Variants in ARHGEF12 observed in about 807,000 individuals in gnomAD.
ARHGEF12 encodes Rho guanine nucleotide exchange factor 12.
ARHGEF12 carries 66 observed loss-of-function variants against 211.2 expected under a neutral mutation model. The observed-to-expected ratio is 0.31, with a 90% CI of 0.26 to 0.38. The LOEUF (loss-of-function observed/expected upper bound fraction) is 0.38, where lower values mean the gene tolerates loss of function less well. Among genes scored for constraint, ARHGEF12 ranks in the 10% least tolerant of loss-of-function variants. ARHGEF12 has a pLI of 1.00. For missense variants in ARHGEF12, 1,429 were observed against 1,869.5 expected, an observed-to-expected ratio of 0.76 and a Z score of 4.34; for synonymous variants, 592 against 638.4, an observed-to-expected ratio of 0.93 and a Z score of 1.09.
intron 31 of ARHGEF12, 71 bp from the exon 32 acceptor site, chr11:120,474,488 CT>C (rs1250158397): frequency 7.3e-6 from 7 of 954,140 alleles, no homozygotes; most frequent in Non-Finnish European, 1.1e-5. Context: ...TTAAAAGAGA[CT>C]GTATTATATA....
intron 1 of ARHGEF12, among the ~76,000 whole-genome samples, chr11:120,391,692 CA>C (rs1293698790): frequency 6.6e-6 from 1 of 152,124 alleles, no homozygotes; most frequent in African/African-American, 2.4e-5. Context: ...CTTTAAAAAA[CA>C]AAACAAAAAC....
chr11:120,445,589 G>T, intron 16 of ARHGEF12, 125 bp downstream of exon 16: 1 of 996,096 alleles, frequency 1.0e-6, no homozygotes, highest in East Asian at 2.4e-5. Flanking sequence ...CAGAAAGACA[G>T]TCTATAATAC....
intron 1 of ARHGEF12, among the ~76,000 whole-genome samples, chr11:120,347,266 C>CTCTCTGTGTGTGTG: frequency 1.5e-5 from 2 of 133,596 alleles, no homozygotes; most frequent in South Asian, 4.9e-4. Context: ...CTCTCTCTCT[C>CTCTCTGTGTGTGTG]TGTCTGTGTG....
intron 11 of ARHGEF12, among the ~76,000 whole-genome samples, chr11:120,435,092 A>G (rs1945654811): frequency 6.6e-6 from 1 of 152,148 alleles, no homozygotes; most frequent in Admixed American, 6.5e-5. Flanking sequence ...TGATCTTTTT[A>G]CAGTTTATTT....
chr11:120,391,093 A>G (rs997231411), intron 1 of ARHGEF12, among the ~76,000 whole-genome samples: 1 of 152,136 alleles, frequency 6.6e-6, no homozygotes, highest in African/African-American at 2.4e-5. Flanking sequence ...TGACTACCAA[A>G]TGTAGTTTGA....
chr11:120,480,232 G>T lies in ARHGEF12; in HGVS notation c.4039G>T (p.Asp1347Tyr), dbSNP rs1227068362. ...GGATTCAGTGGGACTGGCACCCCAG[G>T]ATAGCCAGGCAAGTAACATTTTAGT... ...PRDSVGLAPQ[D>Y]SQASNILVMD... Residue 1347 changes from aspartate to tyrosine, a missense_variant, in exon 38 of 41, where the codon GAT (aspartate) becomes TAT (tyrosine). Asp to Tyr is a radical substitution (Grantham distance 160, BLOSUM62 -3). This residue lies in a region of ARHGEF12 where 467 missense variants were observed against 468.4 expected (regional missense o/e 1.00). Coordinates refer to ENST00000397843, the MANE Select transcript of ARHGEF12 (RefSeq NM_015313.3). The T allele has an allele frequency of 6.2e-7, 1 of 1,614,184 alleles. No individual in the cohort carries two copies. Among genetic ancestry groups the T allele is most frequent in the South Asian group, 1.1e-5 (1 of 91,080 alleles).
intron 5 of ARHGEF12, 124 bp from the exon 6 acceptor site, chr11:120,421,679 G>A (rs1162058060): frequency 1.9e-5 from 15 of 793,142 alleles, no homozygotes; most frequent in Non-Finnish European, 2.8e-5. Flanking sequence ...CTCGTGATCC[G>A]CCCGCCTCGG....
chr11:120,414,396 AT>A (rs545622378), intron 4 of ARHGEF12, among the ~76,000 whole-genome samples: 2 of 150,608 alleles, frequency 1.3e-5, no homozygotes, highest in Non-Finnish European at 2.9e-5. Context: ...CAAGGCTGTG[AT>A]TTTTTTTCTA....
chr11:120,440,395 T>C (rs1275481452), intron 13 of ARHGEF12, among the ~76,000 whole-genome samples, 174 bp downstream of exon 13: 1 of 152,194 alleles, frequency 6.6e-6, no homozygotes, highest in African/African-American at 2.4e-5. Context: ...CCAACAGAAA[T>C]GACCTTGCTT....
chr11:120,431,959 C>T, intron 11 of ARHGEF12, 48 bp downstream of exon 11: 3 of 1,487,892 alleles, frequency 2.0e-6, no homozygotes, highest in East Asian at 2.3e-5. Flanking sequence ...TTCTTCTTTA[C>T]AGCCCCTTTC....
At position 120,487,709 on chromosome 11, in the gene ARHGEF12, C is replaced by G. The variant is rs1031226795; in HGVS notation, c.*2632C>G. Reference sequence around the variant, plus strand: ...CCAGAGCAAGCAGGCTGCATTTTAGCTATGGAAGTGACCTGCTGTGACACT... The same window carrying G: ...CCAGAGCAAGCAGGCTGCATTTTAGGTATGGAAGTGACCTGCTGTGACACT... On this transcript the variant is annotated 3_prime_UTR_variant, in exon 41 of 41. Coordinates refer to ENST00000397843, the MANE Select transcript of ARHGEF12 (RefSeq NM_015313.3). 9.1e-6 allele frequency: 2 copies of G among 219,606 alleles called. No individual in the cohort carries two copies. The highest frequency in any genetic ancestry group is 1.8e-5 in the Non-Finnish European group (2 of 109,592). 13.6% of individuals were successfully genotyped at this position (219,606 alleles called of 1,614,324 possible). A position where few individuals can be genotyped will look rare whatever the true frequency, so the allele number is the denominator to read the frequency against.
At chr11:120,342,031 GTTTAAGTCAAGAT>G (rs1942552688) in intron 1 of ARHGEF12, among the ~76,000 whole-genome samples, 1 of 152,262 alleles carries the variant, frequency 6.6e-6, no homozygotes, top group South Asian at 2.1e-4. Context: ...AATTCATACA[GTTTAAGTCAAGAT>G]TTTAAGTCAA....
intron 1 of ARHGEF12, chr11:120,337,959 T>C: frequency 1.1e-6 from 1 of 951,388 alleles, no homozygotes; most frequent in Non-Finnish European, 1.3e-6. Flanking sequence ...GCCGTAAGCA[T>C]AGTGTAAGCG....
At chr11:120,425,555 C>T (rs1945319789) in intron 7 of ARHGEF12, among the ~76,000 whole-genome samples, 1 of 151,650 alleles carries the variant, frequency 6.6e-6, no homozygotes, top group Non-Finnish European at 1.5e-5. Flanking sequence ...TCTCAGCCTC[C>T]TAAAGCGCTG....
At chr11:120,343,121 G>T (rs1942586822) in intron 1 of ARHGEF12, among the ~76,000 whole-genome samples, 1 of 151,408 alleles carries the variant, frequency 6.6e-6, no homozygotes, top group African/African-American at 2.4e-5. Flanking sequence ...TCTTGCTGTT[G>T]TATTTACAAG....
At chr11:120,398,135 G>A (rs1368913810) in intron 1 of ARHGEF12, among the ~76,000 whole-genome samples, 1 of 152,138 alleles carries the variant, frequency 6.6e-6, no homozygotes, top group African/African-American at 2.4e-5. Flanking sequence ...CTTGAGAGAG[G>A]AATTATCTTG....
chr11:120,346,913 A>C (rs980116059), intron 1 of ARHGEF12, among the ~76,000 whole-genome samples: 1 of 152,226 alleles, frequency 6.6e-6, no homozygotes, highest in African/African-American at 2.4e-5. Context: ...TTAAGAGATA[A>C]AGTCTGAACG....
rs1591559680 is a variant in ARHGEF12, at chr11:120,413,943, A to G, written c.199+4493A>G. ...TTTTCATTAATATGCCCCACACCCT[A>G]TTTTCATTATAGGAGTTATGGCCTT... On this transcript the variant is annotated intron_variant, in intron 4 of 40. Transcript: ENST00000397843. Among the ~76,000 whole-genome samples, 3 of 152,232 alleles carry G rather than the reference A, an allele frequency of 2.0e-5. No homozygotes were observed. In the East Asian group the frequency reaches 5.8e-4, roughly 29 times the overall value.
At chr11:120,381,182 G>C (rs1943868901) in intron 1 of ARHGEF12, among the ~76,000 whole-genome samples, 1 of 152,146 alleles carries the variant, frequency 6.6e-6, no homozygotes, top group African/African-American at 2.4e-5. Flanking sequence ...TAATATCTGT[G>C]TGAATACTAA....
Sources: allele counts gnomAD v4.1 joint callset (sites outside exome capture counted in the v4.1 genomes callset), GRCh38; gene constraint gnomAD v4.1.1; regional missense constraint gnomAD v4.1.1; transcripts MANE v1.5; gene names NCBI Gene and HGNC (gene_info 2026-07-23, HGNC 2026-07-21).